Variants in ADAMTSL1 observed in about 807,000 individuals in gnomAD.
ADAMTSL1 encodes ADAMTS like 1.
A neutral mutation model predicts 201.8 loss-of-function variants in ADAMTSL1; 126 were observed. That is an observed-to-expected ratio of 0.62 (90% confidence interval 0.54 to 0.72). The LOEUF (loss-of-function observed/expected upper bound fraction) is 0.72, where lower values mean the gene tolerates loss of function less well. Among genes scored for constraint, ADAMTSL1 ranks in the 30% least tolerant of loss-of-function variants. ADAMTSL1 has a pLI of 0.00. For synonymous variants in ADAMTSL1, 1,121 were observed against 903.4 expected (o/e 1.24, Z -4.32); for missense variants, 2,679 against 2,277.8 (o/e 1.18, Z -3.59).
intron 2 of ADAMTSL1, among the ~76,000 whole-genome samples, chr9:18,410,629 C>A (rs1818397882): frequency 1.3e-5 from 2 of 152,130 alleles, no homozygotes; most frequent in Non-Finnish European, 2.9e-5. Flanking sequence ...CATTGATGGG[C>A]ATTCAGGTTG....
rs758805875 is a variant in ADAMTSL1, at chr9:18,777,459, G to T, written c.3230G>T (p.Arg1077Leu). 1.3e-6 allele frequency: 2 copies of T among 1,594,348 alleles called. No individual in the cohort carries two copies. The highest frequency in any genetic ancestry group is 1.3e-5 in the African/African-American group (1 of 74,598). ...LPFTMVTEQR[R>L]LDDILGNLSQ... ...TTCACCATGGTGACCGAGCAGCGGCGCCTGGACGACATCCTGGGGAACCTC... is the reference window on the plus strand; with the variant it reads ...TTCACCATGGTGACCGAGCAGCGGCTCCTGGACGACATCCTGGGGAACCTC... Residue 1077 changes from arginine (R) to leucine (L), a missense_variant, in exon 19 of 29, where the codon CGC becomes CTC. Arg to Leu is a moderately radical substitution (Grantham distance 102). Transcript: ENST00000380548.
At chr9:18,444,014 G>C (rs1820096026) in intron 2 of ADAMTSL1, among the ~76,000 whole-genome samples, 1 of 152,080 alleles carries the variant, frequency 6.6e-6, no homozygotes, top group Non-Finnish European at 1.5e-5. Context: ...TTAAGTAAGA[G>C]GAACAACTAT....
At chr9:18,185,722 A>G (rs1481832749) in intron 2 of ADAMTSL1, among the ~76,000 whole-genome samples, 7 of 152,184 alleles carry the variant, frequency 4.6e-5, no homozygotes, top group African/African-American at 1.7e-4. Flanking sequence ...GAATAGCTTT[A>G]TACATCAGTA....
intron 1 of ADAMTSL1, among the ~76,000 whole-genome samples, chr9:17,991,701 G>A (rs1226130906): frequency 1.3e-5 from 2 of 152,152 alleles, no homozygotes; most frequent in Admixed American, 6.5e-5. Context: ...CTTGCATGAA[G>A]TCCCTCTCCC....
intron 15 of ADAMTSL1, among the ~76,000 whole-genome samples, chr9:18,733,270 C>T (rs1322000824): frequency 6.6e-6 from 1 of 152,040 alleles, no homozygotes; most frequent in African/African-American, 2.4e-5. Context: ...ATCAGATAAC[C>T]TTCATCTTAT....
chr9:18,014,544 C>G (rs187927676), intron 1 of ADAMTSL1, among the ~76,000 whole-genome samples: 46 of 152,186 alleles, frequency 3.0e-4, no homozygotes, highest in African/African-American at 1.1e-3. Flanking sequence ...CTTATGCATT[C>G]AAAACTGAAA....
At chr9:18,372,825 A>G (rs1837106257) in intron 2 of ADAMTSL1, among the ~76,000 whole-genome samples, 1 of 152,192 alleles carries the variant, frequency 6.6e-6, no homozygotes, top group Non-Finnish European at 1.5e-5. Flanking sequence ...AGATTGAAAT[A>G]TGGGACAAAT....
At chr9:18,904,438 T>A (rs1460918759) in intron 26 of ADAMTSL1, among the ~76,000 whole-genome samples, 2 of 151,800 alleles carry the variant, frequency 1.3e-5, no homozygotes, top group African/African-American at 4.8e-5. Context: ...CACTGCACTC[T>A]AGCCTGGTGA....
chr9:18,173,547 C>T (rs564146242), intron 2 of ADAMTSL1, among the ~76,000 whole-genome samples: 2 of 152,194 alleles, frequency 1.3e-5, no homozygotes, highest in East Asian at 3.9e-4. Context: ...ACAGCTTACA[C>T]AGCCCCTATC....
chr9:18,442,789 T>A (rs780457596), intron 2 of ADAMTSL1, among the ~76,000 whole-genome samples: 1 of 152,190 alleles, frequency 6.6e-6, no homozygotes, highest in Non-Finnish European at 1.5e-5. Flanking sequence ...ATGCATAGAC[T>A]GGGTGGTAAA....
chr9:18,593,805 A>C (rs1425948728), intron 4 of ADAMTSL1, among the ~76,000 whole-genome samples: 1 of 151,808 alleles, frequency 6.6e-6, no homozygotes, highest in Non-Finnish European at 1.5e-5. Context: ...TTTTAATGTT[A>C]TGAGATTTGT....
chr9:18,386,380 C>A (rs561193797), intron 2 of ADAMTSL1, among the ~76,000 whole-genome samples: 10 of 152,202 alleles, frequency 6.6e-5, no homozygotes, highest in South Asian at 4.2e-4. Context: ...ATTACTGGAG[C>A]CAGTGTAATT....
At chr9:18,271,585 T>C (rs1832370377) in intron 2 of ADAMTSL1, among the ~76,000 whole-genome samples, 1 of 152,186 alleles carries the variant, frequency 6.6e-6, no homozygotes, top group South Asian at 2.1e-4. Flanking sequence ...TTGTTGGACA[T>C]TTGAGTTGGT....
intron 1 of ADAMTSL1, among the ~76,000 whole-genome samples, chr9:17,947,163 C>T (rs1309754963): frequency 5.3e-5 from 8 of 150,406 alleles, no homozygotes; most frequent in Non-Finnish European, 1.5e-5. Flanking sequence ...ACTATATATA[C>T]ATATATAGTT....
chr9:18,361,794 C>T (rs1018353535), intron 2 of ADAMTSL1, among the ~76,000 whole-genome samples: 3 of 152,166 alleles, frequency 2.0e-5, no homozygotes, highest in African/African-American at 7.2e-5. Context: ...GGCCTCCAAC[C>T]AAACCCAACT....
rs1199412139 is a variant in ADAMTSL1, at chr9:18,539,281, C to T, written c.237+5989C>T. Among the ~76,000 whole-genome samples the T allele has an allele frequency of 2.0e-5, 3 of 152,188 alleles. No individual in the cohort carries two copies. The East Asian group carries it at 5.8e-4, about 29-fold the overall frequency. ...CACCATCAATAAAGAGATAGGCAGC[C>T]TGCCCTTGGGGGAAGTCAGAGGCTA... is the stretch of plus-strand genomic sequence containing the variant. On this transcript the variant is annotated intron_variant, in intron 3 of 28. Transcript: ENST00000380548.
chr9:18,649,862 A>C (rs915734958), intron 7 of ADAMTSL1, among the ~76,000 whole-genome samples: 1 of 152,108 alleles, frequency 6.6e-6, no homozygotes, highest in Non-Finnish European at 1.5e-5. Flanking sequence ...TTGAGGAGGC[A>C]GTCTGCCCGT....
chr9:18,242,458 G>C (rs1176135860), intron 2 of ADAMTSL1, among the ~76,000 whole-genome samples: 2 of 152,100 alleles, frequency 1.3e-5, no homozygotes, highest in African/African-American at 4.8e-5. Context: ...TATGAAGCCA[G>C]GTTGTCTACT....
chr9:18,894,497 T>C (rs1829494340), intron 26 of ADAMTSL1, among the ~76,000 whole-genome samples: 1 of 152,092 alleles, frequency 6.6e-6, no homozygotes, highest in South Asian at 2.1e-4. Context: ...GAGGAATCCA[T>C]TTCCTCTTTA....
Sources: gnomAD v4.1 joint callset for allele counts (sites outside exome capture counted in the v4.1 genomes callset) on GRCh38, gnomAD v4.1.1 for gene constraint, MANE v1.5 for transcripts, NCBI Gene and HGNC (gene_info 2026-07-23, HGNC 2026-07-21) for gene names.